The following ARID1B variants were observed in gnomAD, a reference collection of about 807,000 sequenced individuals.
ARID1B encodes the protein AT-rich interactive domain-containing protein 1B.
Under a neutral mutation model 212.3 loss-of-function variants are expected in ARID1B, and 30 were observed. That is an observed-to-expected ratio of 0.14 (90% confidence interval 0.11 to 0.19). The LOEUF is 0.19. ARID1B is among the 10% of genes least tolerant of loss of function. ARID1B has a pLI of 1.00. For missense variants in ARID1B, 2,891 were observed against 3,204.0 expected (o/e 0.90, Z 2.36); for synonymous variants, 1,402 against 1,301.7 (o/e 1.08, Z -1.66).
intron 7 of ARID1B, among the ~76,000 whole-genome samples, chr6:157,137,147 C>CTG (rs1183643525): frequency 6.6e-6 from 1 of 151,972 alleles, no homozygotes; most frequent in African/African-American, 2.4e-5. Flanking sequence ...CACCACTGCT[C>CTG]TACAGCCTGG....
chr6:157,174,962 A>G lies in ARID1B; in HGVS notation c.3461A>G (p.Asp1154Gly). 1 of 1,530,874 alleles carries G rather than the reference A, an allele frequency of 6.5e-7. No homozygotes were observed. Among genetic ancestry groups the G allele is most frequent in the Admixed American group, 1.9e-5 (1 of 51,492 alleles). 94.8% of individuals were successfully genotyped at this position (1,530,874 alleles called of 1,614,324 possible). A position where few individuals can be genotyped will look rare whatever the true frequency, so the allele number is the denominator to read the frequency against. The change falls in exon 11 of 20, where the codon GAT (aspartate) becomes GGT (glycine). Residue 1154 changes from aspartate (D) to glycine (G), a missense_variant. By Grantham distance (94) the Asp-to-Gly change is moderately conservative. Around this residue, in one of 7 missense-constraint regions of ARID1B, gnomAD observed 666 missense variants for 873.5 expected, o/e 0.76. Coordinates refer to ENST00000636930, the MANE Select transcript of ARID1B (RefSeq NM_001374828.1). ...TCCTCATTTCATGGAGATGAAAGTG[A>G]TAGCATTAGCAGCCCAGGCTGGCCA... is the stretch of plus-strand genomic sequence containing the variant. Reference protein sequence around the residue: ...SISSFHGDESDSISSPGWPKT... With the variant: ...SISSFHGDESGSISSPGWPKT...
chr6:156,844,482 A>G (rs1405681176), intron 2 of ARID1B, among the ~76,000 whole-genome samples: 2 of 152,258 alleles, frequency 1.3e-5, no homozygotes, highest in Non-Finnish European at 2.9e-5. Context: ...TAGCACCTCT[A>G]TGGCAGTTAA....
rs552512897 is a variant in ARID1B, at chr6:157,118,072, T to C, written c.2581+7511T>C. On this transcript the variant is annotated intron_variant, in intron 6 of 19. Coordinates refer to ENST00000636930, the MANE Select transcript of ARID1B (RefSeq NM_001374828.1). ...AAGTTTTTTACTGTTGTCAGCTAGT[T>C]TTATGGTGATATTTATACCAAAAGT... is the stretch of plus-strand genomic sequence containing the variant. 3.9e-4 allele frequency among the ~76,000 whole-genome samples: 59 copies of C among 152,354 alleles called. No homozygotes were observed. In the South Asian group the frequency reaches 0.012, roughly 31 times the overall value.
intron 8 of ARID1B, chr6:157,166,139 A>G (rs1030835119): frequency 2.6e-5 from 4 of 152,062 alleles, no homozygotes; most frequent in Non-Finnish European, 5.9e-5. Context: ...CCACCTTGCT[A>G]TCATTTCTGT....
intron 2 of ARID1B, among the ~76,000 whole-genome samples, chr6:156,863,312 G>A (rs1785463026): frequency 6.6e-6 from 1 of 152,094 alleles, no homozygotes; most frequent in South Asian, 2.1e-4. Flanking sequence ...GAGGACTAAC[G>A]AGGCAGGACA....
At chr6:156,932,217 A>G (rs1416200506) in intron 3 of ARID1B, among the ~76,000 whole-genome samples, 1 of 151,890 alleles carries the variant, frequency 6.6e-6, no homozygotes, top group Non-Finnish European at 1.5e-5. Context: ...ACTACGCTAA[A>G]CTTTTTTCAC....
At chr6:156,840,628 A>C (rs1411972702) in intron 2 of ARID1B, among the ~76,000 whole-genome samples, 1 of 152,212 alleles carries the variant, frequency 6.6e-6, no homozygotes, top group Non-Finnish European at 1.5e-5. Context: ...AAGCTTTCAT[A>C]GTTTTCACTA....
intron 5 of ARID1B, among the ~76,000 whole-genome samples, chr6:157,086,358 T>A (rs894049732): frequency 2.0e-5 from 3 of 152,248 alleles, no homozygotes; most frequent in Non-Finnish European, 2.9e-5. Flanking sequence ...ACTTATCTGC[T>A]GCTTTTAACT....
At chr6:157,073,805 T>G (rs1784132995) in intron 4 of ARID1B, among the ~76,000 whole-genome samples, 1 of 152,238 alleles carries the variant, frequency 6.6e-6, no homozygotes, top group Admixed American at 6.5e-5. Flanking sequence ...TTTATCACAG[T>G]AAGTATTTAA....
intron 6 of ARID1B, among the ~76,000 whole-genome samples, chr6:157,113,894 T>C (rs534875487): frequency 6.6e-6 from 1 of 152,356 alleles, no homozygotes; most frequent in African/African-American, 2.4e-5. Flanking sequence ...GGCTTTATTA[T>C]TTATTAAAAC....
At chr6:157,186,988 T>A (rs1793021528) in intron 13 of ARID1B, among the ~76,000 whole-genome samples, 1 of 152,228 alleles carries the variant, frequency 6.6e-6, no homozygotes, top group Admixed American at 6.5e-5. Flanking sequence ...CACTGCCAAG[T>A]GGCTGTGTGG....
At chr6:156,915,522 C>T (rs968988171) in intron 3 of ARID1B, among the ~76,000 whole-genome samples, 15 of 151,458 alleles carry the variant, frequency 9.9e-5, no homozygotes, top group Admixed American at 6.6e-4. Context: ...GAGCTGAGAT[C>T]GTGCCACTGC....
At chr6:157,042,659 C>CTTTT (rs35567695) in intron 4 of ARID1B, among the ~76,000 whole-genome samples, 2 of 136,152 alleles carry the variant, frequency 1.5e-5, no homozygotes, top group African/African-American at 5.5e-5. Context: ...CCCTCCACTC[C>CTTTT]TTTTTTTTTT....
intron 9 of ARID1B, chr6:157,173,267 G>A (rs1791849111): frequency 6.6e-6 from 1 of 152,208 alleles, no homozygotes; most frequent in Non-Finnish European, 1.5e-5. Context: ...AGCCTAAATA[G>A]AATTGATTGG....
intron 13 of ARID1B, among the ~76,000 whole-genome samples, chr6:157,187,175 G>A (rs112408283): frequency 0.059 from 9,000 of 152,238 alleles, 664 homozygotes; most frequent in African/African-American, 0.17. Flanking sequence ...AATGAGCGCT[G>A]TAGGAAGCAC....
intron 4 of ARID1B, among the ~76,000 whole-genome samples, chr6:157,021,977 C>T (rs918446758): frequency 2.0e-5 from 3 of 152,226 alleles, no homozygotes; most frequent in Non-Finnish European, 4.4e-5. Context: ...TCCTTTGGTG[C>T]ATCTCTTTCC....
At chr6:157,061,008 C>G (rs1249679860) in intron 4 of ARID1B, among the ~76,000 whole-genome samples, 12 of 152,170 alleles carry the variant, frequency 7.9e-5, no homozygotes, top group Admixed American at 4.6e-4. Flanking sequence ...ACCCCACAAC[C>G]TGCTGTGGCA....
chr6:156,949,982 A>G (rs749733741), intron 4 of ARID1B, among the ~76,000 whole-genome samples: 1 of 152,242 alleles, frequency 6.6e-6, no homozygotes. Context: ...AATTATTTCT[A>G]ACTCCTTAGG....
Position 156,901,395 on chromosome 6 carries a change from A to T in ARID1B, c.2006A>T (p.Gln669Leu). ...TGACAGATGCCACCTCAGTATGGAC[A>T]GCAAGGTGTGAGTGGTTACTGCCAG... The part of the protein sequence containing the change: ...PQQQMPPQYG[Q>L]QGVSGYCQQG... Residue 669 changes from glutamine (Q) to leucine (L), a missense_variant, in exon 3 of 20, where the codon CAG becomes CTG. This residue lies in a region of ARID1B where 1,643 missense variants were observed against 1,544.0 expected (regional missense o/e 1.06). Transcript: ENST00000636930. 6.2e-7 allele frequency: 1 copy of T among 1,614,204 alleles called. No homozygotes were observed. Among genetic ancestry groups the T allele is most frequent in the Non-Finnish European group, 8.5e-7 (1 of 1,180,044 alleles).
Sources: allele counts gnomAD v4.1 joint callset (sites outside exome capture counted in the v4.1 genomes callset), GRCh38; gene constraint gnomAD v4.1.1; regional missense constraint gnomAD v4.1.1; transcripts MANE v1.5; gene names NCBI Gene and HGNC (gene_info 2026-07-23, HGNC 2026-07-21).